Variants in KCNC2 observed in about 807,000 individuals in gnomAD.
KCNC2 encodes the protein voltage-gated potassium channel KCNC2.
Under a neutral mutation model 44.5 loss-of-function variants are expected in KCNC2, and 21 were observed. The ratio of observed to expected loss-of-function variants is 0.47; its 90% CI spans 0.33 to 0.68. The LOEUF is 0.68. Ranked by LOEUF, KCNC2 falls within the 30% of genes least tolerant of loss-of-function variation. The pLI is 0.01. For synonymous variants in KCNC2, 391 were observed against 339.1 expected, an observed-to-expected ratio of 1.15 and a Z score of -1.68; for missense variants, 589 against 826.2, an observed-to-expected ratio of 0.71 and a Z score of 3.52.
At chr12:75,064,083 T>C (rs538648214) in intron 2 of KCNC2, among the ~76,000 whole-genome samples, 39 of 152,208 alleles carry the variant, frequency 2.6e-4, no homozygotes, top group East Asian at 7.7e-4. Context: ...CTGATTTTCA[T>C]TGGGTTTGAA....
Position 75,041,337 on chromosome 12 carries a change from T to C in KCNC2, c.*1768A>G. On this transcript the variant is annotated 3_prime_UTR_variant, in exon 5 of 5. Coordinates refer to ENST00000549446, the MANE Select transcript of KCNC2 (RefSeq NM_139137.4). ...TCTCTAAATATCATATATGTATGTC[T>C]GGATAAATACATTGCTGTACAACAT... 6.7e-7 allele frequency: 1 copy of C among 1,481,616 alleles called. No homozygotes were observed. The highest frequency in any genetic ancestry group is 8.9e-7 in the Non-Finnish European group (1 of 1,117,698). The allele number at this position is 1,481,616 out of a possible 1,614,324, so 91.8% of individuals were successfully genotyped here.
At chr12:75,079,328 G>A (rs1256060035) in intron 2 of KCNC2, among the ~76,000 whole-genome samples, 1 of 152,062 alleles carries the variant, frequency 6.6e-6, no homozygotes, top group African/African-American at 2.4e-5. Context: ...CATAGGAGAT[G>A]AAGTTTCCTC....
intron 2 of KCNC2, among the ~76,000 whole-genome samples, chr12:75,101,927 G>A (rs1355942844): frequency 6.6e-6 from 1 of 151,856 alleles, no homozygotes; most frequent in East Asian, 1.9e-4. Context: ...GCTTATCCTA[G>A]CAATGCAAAC....
At chr12:75,102,555 G>A (rs1886452766) in intron 2 of KCNC2, among the ~76,000 whole-genome samples, 1 of 152,000 alleles carries the variant, frequency 6.6e-6, no homozygotes, top group Non-Finnish European at 1.5e-5. Context: ...TATTTTTTAA[G>A]AACTCCTTTC....
intron 2 of KCNC2, among the ~76,000 whole-genome samples, chr12:75,088,047 T>C (rs1448835607): frequency 6.6e-6 from 1 of 151,962 alleles, no homozygotes. Flanking sequence ...CTGACAGATA[T>C]TGTTTTAGAG....
intron 2 of KCNC2, among the ~76,000 whole-genome samples, chr12:75,134,581 C>T (rs1330720433): frequency 1.3e-5 from 2 of 150,342 alleles, no homozygotes; most frequent in Admixed American, 6.6e-5. Context: ...CACAGACCTA[C>T]CAAAAAAAAA....
intron 2 of KCNC2, among the ~76,000 whole-genome samples, chr12:75,167,138 G>A (rs1891510087): frequency 6.6e-6 from 1 of 151,194 alleles, no homozygotes; most frequent in Admixed American, 6.6e-5. Flanking sequence ...AGAATTATAA[G>A]AGAATACTAT....
intron 2 of KCNC2, among the ~76,000 whole-genome samples, chr12:75,157,333 T>A (rs1890830070): frequency 6.6e-6 from 1 of 151,834 alleles, no homozygotes; most frequent in South Asian, 2.1e-4. Flanking sequence ...AGTCATTTTG[T>A]GGTTATGAGG....
At chr12:75,074,325 T>A (rs947085326) in intron 2 of KCNC2, among the ~76,000 whole-genome samples, 2 of 148,436 alleles carry the variant, frequency 1.3e-5, no homozygotes, top group Non-Finnish European at 3.0e-5. Context: ...AAGGAGAAAG[T>A]CTAGAGGAGT....
chr12:75,092,969 T>C (rs1885613017), intron 2 of KCNC2, among the ~76,000 whole-genome samples: 2 of 151,322 alleles, frequency 1.3e-5, no homozygotes, highest in East Asian at 3.9e-4. Flanking sequence ...GACTATGACA[T>C]TAAAATGCAA....
In KCNC2 at chr12:75,121,381, G is replaced by A. The variant is rs78968704; in HGVS notation, c.688-70064C>T. Among the ~76,000 whole-genome samples the A allele has an allele frequency of 1.6e-3, 251 of 152,256 alleles. 2 individuals are homozygous for A. The highest frequency in any genetic ancestry group is 5.9e-3 in the African/African-American group (244 of 41,554). Reference sequence around the variant, plus strand: ...GCCAAGCATAGTGTGAAGCACTAAAGACAATACAGTGAAAAATAGGCATGA... The same window carrying A: ...GCCAAGCATAGTGTGAAGCACTAAAAACAATACAGTGAAAAATAGGCATGA... On this transcript the variant is annotated intron_variant, in intron 2 of 4. Transcript: ENST00000549446.
intron 2 of KCNC2, among the ~76,000 whole-genome samples, chr12:75,160,981 A>G (rs1183343099): frequency 6.6e-6 from 1 of 151,794 alleles, no homozygotes; most frequent in African/African-American, 2.4e-5. Flanking sequence ...CTTAAAGAGA[A>G]ACTACAATAA....
intron 2 of KCNC2, among the ~76,000 whole-genome samples, chr12:75,133,057 C>T (rs1347127683): frequency 1.3e-5 from 2 of 151,852 alleles, no homozygotes; most frequent in Non-Finnish European, 2.9e-5. Flanking sequence ...CTATAAAAAT[C>T]GATGATAGAC....
At chr12:75,185,258 T>A (rs1176679086) in intron 2 of KCNC2, among the ~76,000 whole-genome samples, 1 of 152,196 alleles carries the variant, frequency 6.6e-6, no homozygotes, top group Non-Finnish European at 1.5e-5. Flanking sequence ...GTTATGTGAT[T>A]GATAAGTTTC....
chr12:75,148,915 A>G (rs556419053), intron 2 of KCNC2, among the ~76,000 whole-genome samples: 251 of 152,042 alleles, frequency 1.7e-3, no homozygotes, highest in Middle Eastern at 6.8e-3. Context: ...AACCTTTTTT[A>G]AAATGGCATT....
At chr12:75,153,331 A>G (rs1890534696) in intron 2 of KCNC2, among the ~76,000 whole-genome samples, 1 of 151,952 alleles carries the variant, frequency 6.6e-6, no homozygotes. Flanking sequence ...ATAGGTGCCA[A>G]TCTCCCATGC....
rs556129176 is a variant in KCNC2, at chr12:75,063,595, G to C, written c.688-12278C>G. 1.1e-4 allele frequency among the ~76,000 whole-genome samples: 16 copies of C among 152,108 alleles called. 1 individual carries two copies. The South Asian group carries it at 2.9e-3, about 28-fold the overall frequency. ...TAGCAGTGTGTTGAGGGTGATGGTG[G>C]GGGAGAGCTGAATAGGCAGAATTTA... On this transcript the variant is annotated intron_variant, in intron 2 of 4. Coordinates refer to ENST00000549446, the MANE Select transcript of KCNC2 (RefSeq NM_139137.4).
chr12:75,155,066 A>T lies in KCNC2; in HGVS notation c.687+52231T>A, dbSNP rs147079310. 5.9e-3 allele frequency among the ~76,000 whole-genome samples: 896 copies of T among 151,904 alleles called. 9 individuals carry two copies. The highest frequency in any genetic ancestry group is 8.7e-3 in the Admixed American group (132 of 15,202). On this transcript the variant is annotated intron_variant, in intron 2 of 4. Transcript: ENST00000549446. ...CACCAAACAGTTTGGTGCTCACAGA[A>T]ATACAGGGAAAATAAAAAATTATAG...
At chr12:75,141,986 G>A in intron 2 of KCNC2, among the ~76,000 whole-genome samples, 1 of 152,104 alleles carries the variant, frequency 6.6e-6, no homozygotes, top group East Asian at 1.9e-4. Flanking sequence ...GAGGAAATTA[G>A]GTCTTAGAGA....
Sources: gnomAD v4.1 joint callset for allele counts (sites outside exome capture counted in the v4.1 genomes callset) on GRCh38, gnomAD v4.1.1 for gene constraint, MANE v1.5 for transcripts, NCBI Gene and HGNC (gene_info 2026-07-23, HGNC 2026-07-21) for gene names.